Variants in KCTD1 observed in about 807,000 individuals in gnomAD.
KCTD1 encodes BTB/POZ domain-containing protein KCTD1.
Under a neutral mutation model 66.0 loss-of-function variants are expected in KCTD1, and 24 were observed. That is an observed-to-expected ratio of 0.36 (90% CI 0.26 to 0.51). KCTD1 has a LOEUF of 0.51. Among genes scored for constraint, KCTD1 ranks in the 20% least tolerant of loss-of-function variants. The probability of loss-of-function intolerance (pLI) is 0.95; values close to 1 mark genes in which losing one functional copy is unlikely to be tolerated. For synonymous variants in KCTD1, 511 were observed against 517.2 expected (o/e 0.99, Z 0.16); for missense variants, 943 against 1,205.2 (o/e 0.78, Z 3.22).
chr18:26,600,553 G>A (rs115900224), intron 1 of KCTD1, among the ~76,000 whole-genome samples: 4,497 of 152,134 alleles, frequency 0.03, 104 homozygotes, highest in African/African-American at 0.071. Context: ...TATGGGGCCC[G>A]GTTACTCAGC....
rs559546002 is a variant in KCTD1 at position 26,476,245 on chromosome 18, T to C, written c.2133+270A>G. On this transcript the variant is annotated intron_variant, in intron 3 of 4. Transcript: ENST00000580059. This position sits in a 1 kb window ranked among gnomAD's most constrained non-coding sequence, Gnocchi z 4.9. ...TTATTCTCTAGCTCTCTAAGACATA[T>C]CAGAAATGAGCTTTGAATTTAATCA... 3.3e-5 allele frequency among the ~76,000 whole-genome samples: 5 copies of C among 152,324 alleles called. No homozygotes were observed. In the South Asian group the frequency reaches 1.0e-3, roughly 32 times the overall value.
intron 1 of KCTD1, 66 bp downstream of exon 1, chr18:26,546,662 A>G: frequency 1.4e-6 from 2 of 1,473,456 alleles, no homozygotes; most frequent in South Asian, 2.8e-5. Context: ...GAGCTGCATT[A>G]GCACAAAAGT....
intron 2 of KCTD1, among the ~76,000 whole-genome samples, chr18:26,500,727 A>C (rs1456108926): frequency 6.6e-6 from 1 of 152,218 alleles, no homozygotes. Flanking sequence ...ACCTATAAGA[A>C]AGCATGTTTT....
intron 1 of KCTD1, among the ~76,000 whole-genome samples, chr18:26,609,359 C>A (rs188959999): frequency 1.4e-4 from 22 of 152,216 alleles, no homozygotes; most frequent in Non-Finnish European, 2.1e-4. Flanking sequence ...AAAATGAATT[C>A]GGCTCCTGCC....
upstream of KCTD1, among the ~76,000 whole-genome samples, chr18:26,641,128 G>A (rs574447182): frequency 2.6e-5 from 4 of 152,096 alleles, no homozygotes; most frequent in Non-Finnish European, 5.9e-5. Context: ...TGTATGTAAG[G>A]CCTGTTTATA....
Position 26,547,706 on chromosome 18 carries a change from C to A in KCTD1, c.831G>T (p.Pro277=), listed in dbSNP as rs1323772831. The part of the protein sequence containing the change: ...IRKLEEQGAG[P]VVQKQAITRA... ...GCGTGATGGCTTGCTTCTGCACCAC[C>A]GGCCCGGCGCCCTGCTCCTCGAGCT... Residue 277 remains proline (P), a synonymous_variant, in exon 1 of 5, where the codon CCG becomes CCT. Transcript: ENST00000580059. The A allele has an allele frequency of 4.5e-6, 7 of 1,549,628 alleles. No homozygotes were observed. The highest frequency in any genetic ancestry group is 2.0e-5 in the Admixed American group (1 of 50,978).
At chr18:26,607,702 T>C (rs1464547060) in intron 1 of KCTD1, among the ~76,000 whole-genome samples, 1 of 152,222 alleles carries the variant, frequency 6.6e-6, no homozygotes, top group African/African-American at 2.4e-5. Flanking sequence ...ATATTTTCAT[T>C]GATTGGTAAT....
chr18:26,571,719 A>G (rs1986111255), intron 1 of KCTD1, among the ~76,000 whole-genome samples: 1 of 152,194 alleles, frequency 6.6e-6, no homozygotes, highest in African/African-American at 2.4e-5. Context: ...CCAACTGTAT[A>G]TGGATATTCT....
upstream of KCTD1, among the ~76,000 whole-genome samples, chr18:26,550,565 G>GACACAGAC (rs1555642093): frequency 2.1e-5 from 3 of 140,490 alleles, no homozygotes; most frequent in African/African-American, 8.1e-5. The surrounding 1 kb of genome is among the most constrained non-coding windows in gnomAD (Gnocchi z 5.4). Flanking sequence ...AAGACACACA[G>GACACAGAC]ACACACACAC....
At chr18:26,609,768 C>T (rs1305266838) in intron 1 of KCTD1, among the ~76,000 whole-genome samples, 1 of 152,182 alleles carries the variant, frequency 6.6e-6, no homozygotes, top group East Asian at 1.9e-4. Context: ...GAGCCTAGAA[C>T]ATAACTTTTA....
chr18:26,651,799 A>AGAAGAAGAAGAAG (rs1160240200), intron 1 of KCTD1, among the ~76,000 whole-genome samples: 4 of 117,116 alleles, frequency 3.4e-5, no homozygotes, highest in Admixed American at 2.7e-4. Context: ...AAAAAAAAAA[A>AGAAGAAGAAGAAG]AAGAAGAAGA....
At chr18:26,523,954 G>A (rs1447025001) in intron 1 of KCTD1, among the ~76,000 whole-genome samples, 1 of 152,230 alleles carries the variant, frequency 6.6e-6, no homozygotes, top group Non-Finnish European at 1.5e-5. Context: ...GCAGAGAACA[G>A]ACTCGAATCT....
intron 1 of KCTD1, among the ~76,000 whole-genome samples, chr18:26,624,896 G>T (rs916179218): frequency 6.6e-6 from 1 of 152,226 alleles, no homozygotes; most frequent in Admixed American, 6.5e-5. Context: ...AGCCATAGGG[G>T]TAGAGCTGCC....
rs139451137 is a variant in KCTD1 at position 26,573,434 on chromosome 18, A to T, written c.-16+55713T>A. ...ATATTACATGTATTTTACCACAATTAAAAAAATCGTGATGCTGCCCTACTT... is the reference window on the plus strand; with the variant it reads ...ATATTACATGTATTTTACCACAATTTAAAAAATCGTGATGCTGCCCTACTT... On this transcript the variant is annotated intron_variant, in intron 1 of 4. Transcript: ENST00000317932. Among the ~76,000 whole-genome samples the T allele has an allele frequency of 1.0e-3, 159 of 152,316 alleles. 1 individual carries two copies. Among genetic ancestry groups the T allele is most frequent in the African/African-American group, 3.5e-3 (147 of 41,578 alleles).
intron 1 of KCTD1, among the ~76,000 whole-genome samples, chr18:26,513,300 G>T (rs1983446862): frequency 6.6e-6 from 1 of 151,988 alleles, no homozygotes; most frequent in Admixed American, 6.6e-5. Context: ...CGTTAGCCAG[G>T]ATGGTCTCCA....
At chr18:26,606,684 A>G (rs1185717412) in intron 1 of KCTD1, among the ~76,000 whole-genome samples, 1 of 152,326 alleles carries the variant, frequency 6.6e-6, no homozygotes, top group East Asian at 1.9e-4. Context: ...AGTTCTGACC[A>G]TCGAGCCCTT....
intron 1 of KCTD1, among the ~76,000 whole-genome samples, chr18:26,622,765 G>A (rs1019238933): frequency 1.3e-5 from 2 of 152,126 alleles, no homozygotes; most frequent in African/African-American, 4.8e-5. Flanking sequence ...AGAGGGTAGA[G>A]AGGGGGTGGC....
upstream of KCTD1, among the ~76,000 whole-genome samples, chr18:26,644,163 C>T (rs1987889464): frequency 6.6e-6 from 1 of 152,088 alleles, no homozygotes; most frequent in South Asian, 2.1e-4. Context: ...ATTTCTAAGG[C>T]TTAAAGTAGT....
At chr18:26,462,536 G>A (rs1269046644) in intron 3 of KCTD1, among the ~76,000 whole-genome samples, 1 of 152,212 alleles carries the variant, frequency 6.6e-6, no homozygotes, top group Non-Finnish European at 1.5e-5. Flanking sequence ...TCATCATGCT[G>A]CCTTGCCTCT....
Sources: gnomAD v4.1 joint callset for allele counts (sites outside exome capture counted in the v4.1 genomes callset) on GRCh38, gnomAD v4.1.1 for gene constraint, Gnocchi (gnomAD v3.1) non-coding constraint, MANE v1.5 for transcripts, NCBI Gene and HGNC (gene_info 2026-07-23, HGNC 2026-07-21) for gene names.